Variants in RIMS2 observed in about 807,000 individuals in gnomAD.
RIMS2 encodes regulating synaptic membrane exocytosis protein 2.
Under a neutral mutation model 174.4 loss-of-function variants are expected in RIMS2, and 59 were observed. That is an observed-to-expected ratio of 0.34 (90% CI 0.27 to 0.42). The LOEUF is 0.42. Among genes scored for constraint, RIMS2 ranks in the 10% least tolerant of loss-of-function variants. RIMS2 has a pLI of 1.00. For missense variants in RIMS2, 1,620 were observed against 1,666.3 expected (o/e 0.97, Z 0.48); for synonymous variants, 606 against 572.5 (o/e 1.06, Z -0.84).
chr8:104,005,619 G>A (rs1438816492), intron 17 of RIMS2, among the ~76,000 whole-genome samples: 1 of 152,088 alleles, frequency 6.6e-6, no homozygotes, highest in Non-Finnish European at 1.5e-5. Flanking sequence ...AGGGGGCAGT[G>A]GGGATAGCCT....
At chr8:103,897,607 G>A (rs2099294395) in intron 4 of RIMS2, among the ~76,000 whole-genome samples, 1 of 151,604 alleles carries the variant, frequency 6.6e-6, no homozygotes, top group Non-Finnish European at 1.5e-5. Flanking sequence ...TGCAGACCTA[G>A]CAGACCCTAG....
intron 19 of RIMS2, among the ~76,000 whole-genome samples, chr8:104,047,212 T>TA (rs140869080): frequency 0.13 from 19,444 of 152,040 alleles, 1,698 homozygotes; most frequent in Non-Finnish European, 0.19. Context: ...TTTTTAGTTC[T>TA]TTTTAGATAT....
At chr8:104,136,075 G>T (rs2098516899) in intron 19 of RIMS2, among the ~76,000 whole-genome samples, 1 of 152,164 alleles carries the variant, frequency 6.6e-6, no homozygotes. Context: ...ATTAAATTCA[G>T]TTGGCTTACC....
chr8:104,134,444 G>C (rs2098501679), intron 19 of RIMS2, among the ~76,000 whole-genome samples: 1 of 152,226 alleles, frequency 6.6e-6, no homozygotes, highest in African/African-American at 2.4e-5. Flanking sequence ...CAGCCAGGGT[G>C]ACAGAGCGAG....
chr8:104,046,506 T>C (rs2096698573), intron 19 of RIMS2, among the ~76,000 whole-genome samples: 1 of 152,136 alleles, frequency 6.6e-6, no homozygotes, highest in African/African-American at 2.4e-5. Flanking sequence ...CATGTTGTTA[T>C]ACTTATGTCC....
chr8:103,608,256 C>G (rs1466455767), intron 1 of RIMS2, among the ~76,000 whole-genome samples: 1 of 143,080 alleles, frequency 7.0e-6, no homozygotes, highest in African/African-American at 2.7e-5. Context: ...GAGTACTGGG[C>G]CCTGTGAGGT....
At chr8:103,732,677 A>C (rs537529140) in intron 2 of RIMS2, among the ~76,000 whole-genome samples, 26 of 151,548 alleles carry the variant, frequency 1.7e-4, no homozygotes, top group African/African-American at 6.3e-4. Context: ...AATGTTTCCC[A>C]CTCTTCCCTC....
At chr8:103,919,232 C>T (rs563102631) in intron 9 of RIMS2, among the ~76,000 whole-genome samples, 58 of 152,152 alleles carry the variant, frequency 3.8e-4, no homozygotes, top group African/African-American at 1.3e-3. Context: ...TTGAAGGAAA[C>T]ATTTGGAGTG....
chr8:104,016,857 A>G (rs1384938884), intron 19 of RIMS2, among the ~76,000 whole-genome samples: 1 of 152,034 alleles, frequency 6.6e-6, no homozygotes, highest in Non-Finnish European at 1.5e-5. Flanking sequence ...AGAGATGGTG[A>G]AGTTTCTGAT....
chr8:104,140,462 T>C (rs1322140588), intron 19 of RIMS2, among the ~76,000 whole-genome samples: 1 of 152,172 alleles, frequency 6.6e-6, no homozygotes, highest in Non-Finnish European at 1.5e-5. Context: ...AGATAATAAC[T>C]ATGTCTCATG....
chr8:103,779,759 G>A (rs576155769), intron 3 of RIMS2, among the ~76,000 whole-genome samples: 19 of 115,304 alleles, frequency 1.6e-4, no homozygotes, highest in African/African-American at 5.3e-4. Context: ...GTCATGGGGT[G>A]GGGGGAGGGG....
At chr8:104,187,094 A>G (rs1027077728) in intron 19 of RIMS2, among the ~76,000 whole-genome samples, 1 of 151,830 alleles carries the variant, frequency 6.6e-6, no homozygotes, top group South Asian at 2.1e-4. Context: ...TATGATTTTA[A>G]TATACTTTGT....
intron 15 of RIMS2, among the ~76,000 whole-genome samples, chr8:103,968,666 C>T (rs1383082000): frequency 2.6e-5 from 4 of 151,764 alleles, no homozygotes; most frequent in East Asian, 1.9e-4. Context: ...TGCTGTCATT[C>T]GACTTAAATT....
At chr8:103,897,217 C>T (rs765099374) in intron 4 of RIMS2, among the ~76,000 whole-genome samples, 3 of 151,694 alleles carry the variant, frequency 2.0e-5, no homozygotes, top group Non-Finnish European at 4.4e-5. Flanking sequence ...TTCATGGCAC[C>T]TTCTTTTTCT....
intron 3 of RIMS2, among the ~76,000 whole-genome samples, chr8:103,814,016 A>G (rs896519441): frequency 6.6e-6 from 1 of 152,212 alleles, no homozygotes; most frequent in Non-Finnish European, 1.5e-5. Context: ...CATCAATGGT[A>G]GACTGCATAA....
chr8:103,696,101 G>A (rs578014161), intron 1 of RIMS2, among the ~76,000 whole-genome samples: 1 of 152,076 alleles, frequency 6.6e-6, no homozygotes, highest in Admixed American at 6.5e-5. Context: ...ATGGTAGGTT[G>A]GGTTAACTCT....
intron 19 of RIMS2, chr8:104,223,507 A>G (rs1174881426): frequency 1.0e-5 from 14 of 1,400,646 alleles, no homozygotes; most frequent in Non-Finnish European, 1.3e-5. Flanking sequence ...GGGCTGGGTC[A>G]GGGAGGCAGG....
intron 23 of RIMS2, 110 bp from the exon 30 acceptor site, chr8:104,251,492 T>C (rs2099359055): frequency 2.9e-6 from 2 of 698,138 alleles, no homozygotes; most frequent in Admixed American, 4.5e-5. Flanking sequence ...TAACTTGATC[T>C]TTGATGTCAG....
Position 104,094,419 on chromosome 8 carries a change from T to TTGAC in RIMS2, c.3334+79806_3334+79809dup, listed in dbSNP as rs1388501874. 6 of 561,288 alleles carry TTGAC rather than the reference T, an allele frequency of 1.1e-5. 1 individual carries two copies. Among genetic ancestry groups the TTGAC allele is most frequent in the Non-Finnish European group, 1.9e-5 (6 of 319,832 alleles). The allele number at this position is 561,288 out of a possible 1,614,324, so 34.8% of individuals were successfully genotyped here. On this transcript the variant is annotated intron_variant, in intron 19 of 23. Coordinates refer to ENST00000504942, the Ensembl canonical transcript of RIMS2. ...TGTTTAATTTCATAAGTGTTTTTTCTTGACTTTCTTTTTTTGTGTGTTTAT... is the reference window on the plus strand; with the variant it reads ...TGTTTAATTTCATAAGTGTTTTTTCTTGACTGACTTTCTTTTTTTGTGTGTTTAT...
Sources: gnomAD v4.1 joint callset for allele counts (sites outside exome capture counted in the v4.1 genomes callset) on GRCh38, gnomAD v4.1.1 for gene constraint, MANE v1.5 for transcripts, NCBI Gene and HGNC (gene_info 2026-07-23, HGNC 2026-07-21) for gene names.